The following RGS5 variants were observed in gnomAD, a reference collection of about 807,000 sequenced individuals.
RGS5 encodes regulator of G protein signaling 5.
Under a neutral mutation model 18.9 loss-of-function variants are expected in RGS5, and 20 were observed. That is an observed-to-expected ratio of 1.06 (90% CI 0.74 to 1.54). The LOEUF is 1.54. Among genes scored for constraint, RGS5 ranks in the 40% most tolerant of loss-of-function variants. The pLI is 0.00. For missense variants in RGS5, 201 were observed against 211.8 expected, an observed-to-expected ratio of 0.95 and a Z score of 0.32; for synonymous variants, 57 against 76.2, an observed-to-expected ratio of 0.75 and a Z score of 1.31.
intron 3 of RGS5, among the ~76,000 whole-genome samples, chr1:163,154,555 T>C (rs1426538234): frequency 6.6e-6 from 1 of 151,652 alleles, no homozygotes; most frequent in Non-Finnish European, 1.5e-5. Context: ...TCAACACTTG[T>C]GAAAAGAAGG....
chr1:163,149,610 A>G (rs1657294915), intron 4 of RGS5, among the ~76,000 whole-genome samples: 1 of 152,142 alleles, frequency 6.6e-6, no homozygotes, highest in Admixed American at 6.5e-5. Flanking sequence ...TTAATTTCAA[A>G]TATGGTCAAA....
chr1:163,269,505 C>T (rs1648660009), intron 2 of RGS5, among the ~76,000 whole-genome samples: 1 of 152,088 alleles, frequency 6.6e-6, no homozygotes, highest in Non-Finnish European at 1.5e-5. Flanking sequence ...GTTCTATGTT[C>T]ATTTTTATGC....
upstream of RGS5, chr1:163,203,235 T>C (rs758104109): frequency 3.8e-4 from 62 of 163,222 alleles, no homozygotes; most frequent in Non-Finnish European, 6.3e-4. Context: ...CAAAGTGTCT[T>C]GGACCACTTC....
chr1:163,170,036 C>A (rs1386674707), intron 1 of RGS5, among the ~76,000 whole-genome samples: 1 of 152,196 alleles, frequency 6.6e-6, no homozygotes, highest in Non-Finnish European at 1.5e-5. Flanking sequence ...AACTAACCTT[C>A]TAATCTATCC....
rs1657029415 is a variant in RGS5, at chr1:163,144,004, TTAAAA to T, written c.*3333_*3337del. On this transcript the variant is annotated 3_prime_UTR_variant, in exon 5 of 5. Coordinates refer to ENST00000313961, the MANE Select transcript of RGS5 (RefSeq NM_003617.4). ...GGCTTTGTAAAGGATAAAAAAAAAATTAAAATAATTTATTTCACCAAGTTCTCCTT... is the reference window on the plus strand; with the variant it reads ...GGCTTTGTAAAGGATAAAAAAAAAATTAATTTATTTCACCAAGTTCTCCTT... 1 of 151,932 alleles carries T rather than the reference TTAAAA, an allele frequency of 6.6e-6. No individual in the cohort carries two copies. Among genetic ancestry groups the T allele is most frequent in the South Asian group, 2.1e-4 (1 of 4,820 alleles). 9.4% of individuals were successfully genotyped at this position (151,932 alleles called of 1,614,324 possible). A position where few individuals can be genotyped will look rare whatever the true frequency, so the allele number is the denominator to read the frequency against.
At chr1:163,192,892 T>G (rs567031267) in intron 1 of RGS5, among the ~76,000 whole-genome samples, 1 of 152,324 alleles carries the variant, frequency 6.6e-6, no homozygotes, top group Non-Finnish European at 1.5e-5. Context: ...AACTATCACT[T>G]AAAATAACTT....
At chr1:163,258,149 T>C (rs1648328859) in intron 2 of RGS5, among the ~76,000 whole-genome samples, 1 of 152,246 alleles carries the variant, frequency 6.6e-6, no homozygotes, top group Admixed American at 6.5e-5. Context: ...ACAACCTTTG[T>C]GGTTTGAATC....
intron 3 of RGS5, chr1:163,161,615 G>A: frequency 3.6e-6 from 1 of 275,112 alleles, no homozygotes; most frequent in Non-Finnish European, 7.0e-6. Context: ...TGATGAGAAT[G>A]TTGAGGAGGT....
chr1:163,319,565 T>C (rs1312868355), intron 1 of RGS5, among the ~76,000 whole-genome samples: 1 of 152,194 alleles, frequency 6.6e-6, no homozygotes, highest in East Asian at 1.9e-4. Flanking sequence ...CAATCTGTCA[T>C]ATATCACTTT....
At chr1:163,280,027 T>C (rs1350933978) in intron 2 of RGS5, among the ~76,000 whole-genome samples, 2 of 151,998 alleles carry the variant, frequency 1.3e-5, no homozygotes, top group Non-Finnish European at 2.9e-5. Flanking sequence ...ATTTCCCTTC[T>C]CCCTGCAAAA....
intron 4 of RGS5, among the ~76,000 whole-genome samples, chr1:163,148,380 A>G (rs1657240856): frequency 6.6e-6 from 1 of 152,198 alleles, no homozygotes; most frequent in Non-Finnish European, 1.5e-5. Flanking sequence ...ACAAACCAGG[A>G]AACAGTCATT....
chr1:163,210,948 T>A (rs1660089645), intron 1 of RGS5: 1 of 152,248 alleles, frequency 6.6e-6, no homozygotes, highest in Non-Finnish European at 1.5e-5. Context: ...ATCTGGAGAA[T>A]GGAGTGGGGG....
intron 2 of RGS5, among the ~76,000 whole-genome samples, chr1:163,252,411 G>C (rs1002165814): frequency 6.6e-6 from 1 of 152,048 alleles, no homozygotes; most frequent in Non-Finnish European, 1.5e-5. Flanking sequence ...GTCTTTTGTG[G>C]AGCAAAAGTC....
intron 2 of RGS5, among the ~76,000 whole-genome samples, chr1:163,294,234 C>T (rs548702739): frequency 6.6e-6 from 1 of 152,338 alleles, no homozygotes; most frequent in South Asian, 2.1e-4. Flanking sequence ...ATGAGGGCTG[C>T]CCCTGCAGCA....
intron 1 of RGS5, among the ~76,000 whole-genome samples, chr1:163,199,985 TATAGAAAA>T (rs1659712660): frequency 6.6e-6 from 1 of 152,072 alleles, no homozygotes; most frequent in Non-Finnish European, 1.5e-5. Flanking sequence ...CTCAAACTTT[TATAGAAAA>T]ATAGGAAAAT....
At chr1:163,205,383 T>C (rs1451540553), upstream of RGS5, among the ~76,000 whole-genome samples, 1 of 144,384 alleles carries the variant, frequency 6.9e-6, no homozygotes, top group East Asian at 2.1e-4. Flanking sequence ...GAGAGCCTAC[T>C]ACGTAAAATA....
In RGS5 at chr1:163,146,154, T is replaced by C. The variant is rs924203474; in HGVS notation, c.*1188A>G. 1 of 151,884 alleles carries C rather than the reference T, an allele frequency of 6.6e-6. No homozygotes were observed. The highest frequency in any genetic ancestry group is 1.5e-5 in the Non-Finnish European group (1 of 67,982). 9.4% of individuals were successfully genotyped at this position (151,884 alleles called of 1,614,324 possible). Reference sequence around the variant, plus strand: ...AGCTGTGAATGAGACACGTCAGGAGTATAAATCTGCACTTTTGACTGTAAG... The same window carrying C: ...AGCTGTGAATGAGACACGTCAGGAGCATAAATCTGCACTTTTGACTGTAAG... On this transcript the variant is annotated 3_prime_UTR_variant, in exon 5 of 5. Coordinates refer to ENST00000313961, the MANE Select transcript of RGS5 (RefSeq NM_003617.4).
chr1:163,279,634 A>C lies in RGS5; in HGVS notation c.-281+26599T>G, dbSNP rs566384641. 6.6e-5 allele frequency among the ~76,000 whole-genome samples: 10 copies of C among 152,108 alleles called. 1 individual carries two copies. The South Asian group carries it at 2.1e-3, about 32-fold the overall frequency. On this transcript the variant is annotated intron_variant, in intron 2 of 5. Transcript: ENST00000618415. The stretch of plus-strand genomic sequence containing the variant: ...GAAAAGCAAGAAGCAGCCAACCCCA[A>C]AATTTGTAGAAGAAAAGAAATAGTA...
At chr1:163,178,456 A>G (rs946134473) in intron 1 of RGS5, among the ~76,000 whole-genome samples, 9 of 152,274 alleles carry the variant, frequency 5.9e-5, no homozygotes, top group African/African-American at 2.2e-4. Flanking sequence ...TTCTCTAGCC[A>G]CTTATGCATT....
Sources: allele counts gnomAD v4.1 joint callset (sites outside exome capture counted in the v4.1 genomes callset), GRCh38; gene constraint gnomAD v4.1.1; transcripts MANE v1.5; gene names NCBI Gene and HGNC (gene_info 2026-07-23, HGNC 2026-07-21).